The following ADCY4 variants were observed in gnomAD, a reference collection of about 807,000 sequenced individuals.
ADCY4 encodes adenylate cyclase 4, also known as adenylate cyclase type 4.
A neutral mutation model predicts 125.5 loss-of-function variants in ADCY4; 111 were observed. That is an observed-to-expected ratio of 0.88 (90% confidence interval 0.76 to 1.04). The LOEUF (loss-of-function observed/expected upper bound fraction) is 1.04. Ranked by LOEUF, ADCY4 falls within the 50% of genes least tolerant of loss-of-function variation. The pLI, the probability that ADCY4 is intolerant of heterozygous loss-of-function variation, is 0.00. For missense variants in ADCY4, 1,256 were observed against 1,382.9 expected (o/e 0.91, Z 1.46); for synonymous variants, 576 against 586.9 (o/e 0.98, Z 0.27).
At chr14:24,318,886 A>AG (rs1193337905) in intron 23 of ADCY4, 108 bp from the exon 24 acceptor site, 45 of 1,518,466 alleles carry the variant, frequency 3.0e-5, no homozygotes, top group Non-Finnish European at 3.9e-5. Flanking sequence ...AGAGGAGAGG[A>AG]GGGGTCTCTA....
intron 23 of ADCY4, 136 bp from the exon 24 acceptor site, chr14:24,318,914 G>A (rs2041811030): frequency 7.0e-7 from 1 of 1,438,526 alleles, no homozygotes. Context: ...GAGGAATGTA[G>A]CTTAAGAAAA....
At position 24,318,548 on chromosome 14, in the gene ADCY4, C is replaced by G. The variant is rs770576288; in HGVS notation, c.3102G>C (p.Trp1034Cys). 3 of 1,614,072 alleles carry G rather than the reference C, an allele frequency of 1.9e-6. No individual in the cohort carries two copies. The highest frequency in any genetic ancestry group is 2.5e-6 in the Non-Finnish European group (3 of 1,179,990). ...AGGTGTAGCCCAGGGACTGTAGGGC[C>G]CATGCTGTCTCCTCAGTCACCTACA... ...GKIQVTEETAWALQSLGYTCY... is the reference protein window; with the variant it reads ...GKIQVTEETACALQSLGYTCY... Residue 1034 changes from tryptophan to cysteine, a missense_variant, in exon 25 of 25, where the codon TGG becomes TGC. Trp to Cys is a radical substitution (Grantham distance 215). Transcript: ENST00000418030.
At position 24,329,088 on chromosome 14, in the gene ADCY4, G is replaced by C; in HGVS notation, c.1497C>G (p.Ser499Arg). 2 of 1,613,798 alleles carry C rather than the reference G, an allele frequency of 1.2e-6. No individual in the cohort carries two copies. The highest frequency in any genetic ancestry group is 2.2e-5 in the East Asian group (1 of 44,872). ...KPFAHLSHGD[S>R]PVSTSTPLPE... ...GGAGAGGGGTGGAGGTGGACACAGG[G>C]CTGTCTCCGTGGCTCAGGTGGGCAA... is the stretch of plus-strand genomic sequence containing the variant. The change falls in exon 10 of 25, where the codon AGC becomes AGG. Residue 499 changes from serine to arginine, a missense_variant. Ser to Arg is a moderately radical substitution (Grantham distance 110, BLOSUM62 -1). Coordinates refer to ENST00000418030, the MANE Select transcript of ADCY4 (RefSeq NM_001198568.2).
Position 24,318,476 on chromosome 14 carries a change from G to A in ADCY4, c.3174C>T (p.Cys1058=), listed in dbSNP as rs753131367. The A allele has an allele frequency of 6.8e-6, 11 of 1,614,098 alleles. No individual in the cohort carries two copies. The highest frequency in any genetic ancestry group is 2.2e-5 in the South Asian group (2 of 91,086). The change falls in exon 25 of 25, where the codon TGC becomes TGT. Residue 1058 remains cysteine, a synonymous_variant. Transcript: ENST00000418030. ...VIKVKGKGQL[C]TYFLNTDLTR... is the part of the protein sequence containing the mutation. ...TCAAGTCTGTGTTCAGGAAGTAGGTGCAGAGCTGCCCTTTGCCTTTCACCT... is the reference window on the plus strand; with the variant it reads ...TCAAGTCTGTGTTCAGGAAGTAGGTACAGAGCTGCCCTTTGCCTTTCACCT...
Position 24,329,497 on chromosome 14 carries a change from C to A in ADCY4, c.1254G>T (p.Leu418=). ...VHITGATLAL[L]AGAYAVEDAG... Reference sequence around the variant, plus strand: ...CGTCCTCCACAGCATAAGCCCCTGCCAGCAGGGCCAGGGTAGCCCCTGTGA... The same window carrying A: ...CGTCCTCCACAGCATAAGCCCCTGCAAGCAGGGCCAGGGTAGCCCCTGTGA... The change falls in exon 9 of 25, where the codon CTG becomes CTT. Residue 418 remains leucine (L), a synonymous_variant. Transcript: ENST00000418030. The A allele has an allele frequency of 1.3e-6, 2 of 1,564,134 alleles. No individual in the cohort carries two copies. Among genetic ancestry groups the A allele is most frequent in the South Asian group, 1.2e-5 (1 of 83,312 alleles).
rs2139216848 is a variant in ADCY4, at chr14:24,329,110, G to A, written c.1475C>T (p.Ala492Val). The A allele has an allele frequency of 1.9e-6, 3 of 1,613,898 alleles. No homozygotes were observed. The highest frequency in any genetic ancestry group is 2.5e-6 in the Non-Finnish European group (3 of 1,179,892). The change falls in exon 10 of 25, where the codon GCC becomes GTC. Residue 492 changes from alanine (A) to valine (V), a missense_variant. Transcript: ENST00000418030. ...AGGGCTGTCTCCGTGGCTCAGGTGG[G>A]CAAAAGGCTTGGCTGCGCCCCAGGA... ...LESWGAAKPF[A>V]HLSHGDSPVS...
At chr14:24,330,591 G>A in intron 6 of ADCY4, 1 of 365,596 alleles carries the variant, frequency 2.7e-6, no homozygotes, top group East Asian at 5.0e-5. Flanking sequence ...GGATTGAGAG[G>A]TTGGGGGGAA....
In ADCY4 at chr14:24,322,884, T is replaced by A. The variant is rs1436394131; in HGVS notation, c.2342+20A>T. ...CCCATCCCAGGGGGCCCGGCACCTC[T>A]GTCCAGCAGCTGTGCACACCTGGAG... On this transcript the variant is annotated intron_variant, in intron 18 of 24. Coordinates refer to ENST00000418030, the MANE Select transcript of ADCY4 (RefSeq NM_001198568.2). The A allele has an allele frequency of 6.3e-7, 1 of 1,576,238 alleles. No homozygotes were observed. The highest frequency in any genetic ancestry group is 1.3e-5 in the African/African-American group (1 of 74,264).
intron 10 of ADCY4, among the ~76,000 whole-genome samples, chr14:24,326,896 A>AGTTTTTTTT (rs2041955646): frequency 9.1e-6 from 1 of 109,938 alleles, no homozygotes; most frequent in African/African-American, 3.9e-5. Context: ...ACCTGGCTGG[A>AGTTTTTTTT]TTTTTTTTTT....
In ADCY4 at chr14:24,330,027, T is replaced by C. The variant is rs2042016515; in HGVS notation, c.1059-9A>G. The C allele has an allele frequency of 1.2e-6, 2 of 1,608,166 alleles. No homozygotes were observed. The highest frequency in any genetic ancestry group is 2.7e-5 in the African/African-American group (2 of 74,798). Reference sequence around the variant, plus strand: ...TGGCTGCCCGCAGTTTCCTGAGCAGTGTGTGTGTGGGACAATCTGAGTCCT... The same window carrying C: ...TGGCTGCCCGCAGTTTCCTGAGCAGCGTGTGTGTGGGACAATCTGAGTCCT... On this transcript the variant is annotated splice_polypyrimidine_tract_variant and intron_variant, in intron 7 of 24. Transcript: ENST00000418030.
chr14:24,334,875 TC>T lies in ADCY4; in HGVS notation c.-224del. The T allele has an allele frequency of 1.9e-6, 1 of 525,414 alleles. No individual in the cohort carries two copies. The highest frequency in any genetic ancestry group is 3.3e-6 in the Non-Finnish European group (1 of 299,268). 32.5% of individuals were successfully genotyped at this position (525,414 alleles called of 1,614,324 possible). A position where few individuals can be genotyped will look rare whatever the true frequency, so the allele number is the denominator to read the frequency against. On this transcript the variant is annotated 5_prime_UTR_variant, in exon 1 of 25. Coordinates refer to ENST00000418030, the MANE Select transcript of ADCY4 (RefSeq NM_001198568.2). The stretch of plus-strand genomic sequence containing the variant: ...GGATCCCTCAGTCCTTTCCTCCTCC[TC>T]CCTCAAACCCGGATTGTAGAGGTGC...
chr14:24,320,654 A>G (rs894266156), intron 20 of ADCY4, among the ~76,000 whole-genome samples: 2 of 152,152 alleles, frequency 1.3e-5, no homozygotes, highest in African/African-American at 4.8e-5. Context: ...TGGTACAAAT[A>G]TGTGGGTGAA....
chr14:24,324,725 G>A (rs1375544231), intron 14 of ADCY4, among the ~76,000 whole-genome samples: 1 of 151,126 alleles, frequency 6.6e-6, no homozygotes, highest in Admixed American at 6.6e-5. Flanking sequence ...TTTTTTTGAG[G>A]CGGAGTCTCG....
intron 16 of ADCY4, 146 bp from the exon 17 acceptor site, chr14:24,323,600 C>T: frequency 6.9e-7 from 1 of 1,457,264 alleles, no homozygotes; most frequent in Non-Finnish European, 9.1e-7. Flanking sequence ...GGAAGGGAAC[C>T]TCAGCACTGG....
chr14:24,327,590 G>A (rs921995731), intron 10 of ADCY4, among the ~76,000 whole-genome samples: 5 of 152,202 alleles, frequency 3.3e-5, no homozygotes, highest in African/African-American at 1.2e-4. Context: ...AACCACTGCT[G>A]CCAGTGTCCT....
chr14:24,331,240 G>A lies in ADCY4; in HGVS notation c.786C>T (p.His262=), dbSNP rs1566440433. 6.2e-7 allele frequency: 1 copy of A among 1,614,224 alleles called. No individual in the cohort carries two copies. Among genetic ancestry groups the A allele is most frequent in the Non-Finnish European group, 8.5e-7 (1 of 1,180,044 alleles). The change falls in exon 5 of 25, where the codon CAC becomes CAT. Residue 262 remains histidine (H), a synonymous_variant. Transcript: ENST00000418030. ...GSRPESTNNF[H]SLYVKRHQGV... ...CCTGGTGCCTCTTGACATAGAGGCT[G>A]TGGAAATTGTTAGTGCTCTCTGGCC... is the stretch of plus-strand genomic sequence containing the variant.
intron 4 of ADCY4, 106 bp downstream of exon 4, chr14:24,331,682 T>A: frequency 2.9e-6 from 4 of 1,380,002 alleles, no homozygotes; most frequent in Non-Finnish European, 3.8e-6. Context: ...AGGAAACAGG[T>A]CAAGAAACCT....
Position 24,324,301 on chromosome 14 carries a change from C to T in ADCY4, c.1908+6G>A, listed in dbSNP as rs185324049. ...CATACCACTTCCACCCCTCAGCCCA[C>T]CTCACCATCAGGTCCTCTGAGAAGC... On this transcript the variant is annotated splice_donor_region_variant and intron_variant, in intron 15 of 24. Transcript: ENST00000418030. 1.4e-4 allele frequency: 229 copies of T among 1,614,184 alleles called. 1 individual carries two copies. The African/African-American group carries it at 2.7e-3, about 19-fold the overall frequency.
Position 24,331,289 on chromosome 14 carries a change from C to A in ADCY4, c.737G>T (p.Arg246Leu). ...AREMKAEIMARLQAGQGSRPE... is the reference protein window; with the variant it reads ...AREMKAEIMALLQAGQGSRPE... ...CCGTGACCCCTGTCCTGCCTGCAGCCGTGCCATGATCTCTGCCTTCATCTC... is the reference window on the plus strand; with the variant it reads ...CCGTGACCCCTGTCCTGCCTGCAGCAGTGCCATGATCTCTGCCTTCATCTC... Residue 246 changes from arginine (R) to leucine (L), a missense_variant, in exon 5 of 25, where the codon CGG becomes CTG. Transcript: ENST00000418030. The A allele has an allele frequency of 2.5e-6, 4 of 1,614,136 alleles. No homozygotes were observed. Among genetic ancestry groups the A allele is most frequent in the Non-Finnish European group, 3.4e-6 (4 of 1,180,014 alleles).
Sources: allele counts gnomAD v4.1 joint callset (sites outside exome capture counted in the v4.1 genomes callset), GRCh38; gene constraint gnomAD v4.1.1; transcripts MANE v1.5; gene names NCBI Gene and HGNC (gene_info 2026-07-23, HGNC 2026-07-21).